The following CDH12 variants were observed in gnomAD, a reference collection of about 807,000 sequenced individuals.
CDH12 encodes cadherin-12.
In CDH12, 41 loss-of-function variants were observed where a neutral mutation model predicts 74.1. The ratio of observed to expected loss-of-function variants is 0.55; its 90% CI spans 0.43 to 0.72. The LOEUF is 0.72. Ranked by LOEUF, CDH12 falls within the 30% of genes least tolerant of loss-of-function variation. The pLI is 0.00. For missense variants in CDH12, 945 were observed against 977.2 expected (o/e 0.97, Z 0.44); for synonymous variants, 399 against 355.0 (o/e 1.12, Z -1.39).
rs147255137 is a variant in CDH12 at position 22,787,138 on chromosome 5, C to CCACA, written c.-523+65916_-523+65919dup. Among the ~76,000 whole-genome samples, 951 of 148,746 alleles carry CCACA rather than the reference C, an allele frequency of 6.4e-3. 7 individuals are homozygous for CCACA. The highest frequency in any genetic ancestry group is 0.019 in the African/African-American group (788 of 40,650). On this transcript the variant is annotated intron_variant, in intron 1 of 14. Transcript: ENST00000382254. Reference sequence around the variant, plus strand: ...TTAGGACCTCTAAAACACACACACACCACACACACACACACACACACCCCA... The same window carrying CCACA: ...TTAGGACCTCTAAAACACACACACACCACACACACACACACACACACACACCCCA...
intron 5 of CDH12, among the ~76,000 whole-genome samples, chr5:21,991,955 T>C (rs1482392616): frequency 6.6e-6 from 1 of 152,070 alleles, no homozygotes; most frequent in Non-Finnish European, 1.5e-5. Context: ...TTATACATAA[T>C]ATTTATTTTC....
chr5:22,666,951 C>A (rs1006380517), intron 1 of CDH12, among the ~76,000 whole-genome samples: 3 of 152,196 alleles, frequency 2.0e-5, no homozygotes, highest in Non-Finnish European at 2.9e-5. Flanking sequence ...CTGACTCTAA[C>A]TCCCTCTGAA....
chr5:22,636,698 T>C (rs967173619), intron 1 of CDH12, among the ~76,000 whole-genome samples: 11 of 152,190 alleles, frequency 7.2e-5, no homozygotes, highest in Non-Finnish European at 1.6e-4. Context: ...AATGGTTACT[T>C]TGGCAGAGGA....
At chr5:22,652,399 G>A (rs1426442881) in intron 1 of CDH12, among the ~76,000 whole-genome samples, 1 of 152,110 alleles carries the variant, frequency 6.6e-6, no homozygotes, top group Non-Finnish European at 1.5e-5. Flanking sequence ...GTCACCAGAA[G>A]CATCAATCAA....
chr5:22,759,464 C>T (rs993928181), intron 1 of CDH12, among the ~76,000 whole-genome samples: 9 of 152,062 alleles, frequency 5.9e-5, no homozygotes, highest in African/African-American at 1.2e-4. Flanking sequence ...TTGAAGACCT[C>T]GAAGCAACTG....
At chr5:21,822,446 G>A (rs1335488324) in intron 8 of CDH12, among the ~76,000 whole-genome samples, 1 of 151,882 alleles carries the variant, frequency 6.6e-6, no homozygotes, top group African/African-American at 2.4e-5. Flanking sequence ...AAATGTTTTG[G>A]TGGTGGAAGA....
chr5:21,823,143 G>C (rs536315939), intron 8 of CDH12, among the ~76,000 whole-genome samples: 1 of 152,118 alleles, frequency 6.6e-6, no homozygotes, highest in East Asian at 1.9e-4. Context: ...TCTAGTGGGA[G>C]AGAAGTCAAT....
intron 1 of CDH12, among the ~76,000 whole-genome samples, chr5:22,820,467 A>G (rs993767858): frequency 1.3e-5 from 2 of 152,094 alleles, no homozygotes; most frequent in African/African-American, 4.8e-5. Context: ...TGAAAAGATC[A>G]ACAAAATCGA....
chr5:22,215,802 C>A (rs980505816), intron 3 of CDH12, among the ~76,000 whole-genome samples: 5 of 152,072 alleles, frequency 3.3e-5, no homozygotes, highest in African/African-American at 4.8e-5. Flanking sequence ...CACATGAATC[C>A]TATCATTTCA....
chr5:21,759,685 T>G (rs1352059390), intron 13 of CDH12, among the ~76,000 whole-genome samples: 1 of 152,126 alleles, frequency 6.6e-6, no homozygotes, highest in African/African-American at 2.4e-5. Context: ...ATTTATTTAT[T>G]TTTTAACGTT....
In CDH12 at chr5:22,283,579, G is replaced by T. The variant is rs1229268406; in HGVS notation, c.-332-70936C>A. Among the ~76,000 whole-genome samples the T allele has an allele frequency of 2.0e-5, 3 of 151,860 alleles. No homozygotes were observed. In the East Asian group the frequency reaches 5.8e-4, roughly 29 times the overall value. ...GAAAAATCAAACTCATAGGAGTAGA[G>T]GGTAGAATTGTGGTTGCTGGGAGCT... On this transcript the variant is annotated intron_variant, in intron 3 of 14. Transcript: ENST00000382254.
intron 1 of CDH12, among the ~76,000 whole-genome samples, chr5:22,585,615 G>A (rs144750080): frequency 2.0e-5 from 3 of 151,940 alleles, no homozygotes; most frequent in Non-Finnish European, 1.5e-5. Flanking sequence ...TTGTCTCTCT[G>A]TGTTCATTTT....
intron 1 of CDH12, among the ~76,000 whole-genome samples, chr5:22,772,916 AAATT>A (rs1019473229): frequency 3.3e-5 from 5 of 152,116 alleles, no homozygotes; most frequent in African/African-American, 1.2e-4. Flanking sequence ...AGCTACAAAA[AAATT>A]AAAATACCTA....
intron 4 of CDH12, among the ~76,000 whole-genome samples, chr5:22,162,890 A>AT (rs1561178332): frequency 1.0e-5 from 1 of 100,174 alleles, no homozygotes; most frequent in Admixed American, 1.5e-4. Context: ...CTTCCCTCTG[A>AT]CTTTTTTTTT....
At chr5:22,170,739 T>C (rs1398395974) in intron 4 of CDH12, among the ~76,000 whole-genome samples, 1 of 151,886 alleles carries the variant, frequency 6.6e-6, no homozygotes, top group African/African-American at 2.4e-5. Context: ...GGCAGCAGAA[T>C]CACGAATTCA....
intron 1 of CDH12, among the ~76,000 whole-genome samples, chr5:22,726,030 C>T (rs933323160): frequency 1.4e-4 from 21 of 151,752 alleles, no homozygotes; most frequent in Admixed American, 1.1e-3. Flanking sequence ...TACGTTGCAA[C>T]TGATGAACCT....
chr5:22,809,858 A>G (rs1158933901), intron 1 of CDH12, among the ~76,000 whole-genome samples: 1 of 152,130 alleles, frequency 6.6e-6, no homozygotes, highest in Non-Finnish European at 1.5e-5. Context: ...AATATCTACT[A>G]GTTCAAATGG....
intron 1 of CDH12, among the ~76,000 whole-genome samples, chr5:22,849,452 A>G (rs1161685491): frequency 6.6e-6 from 1 of 152,102 alleles, no homozygotes. Flanking sequence ...GGTATATTCA[A>G]CCTTACTTGT....
intron 3 of CDH12, among the ~76,000 whole-genome samples, chr5:22,314,301 T>G (rs1738519434): frequency 1.3e-5 from 2 of 152,138 alleles, no homozygotes. Context: ...CACCAGTACC[T>G]CAGAATGTAA....
Sources: gnomAD v4.1 joint callset for allele counts (sites outside exome capture counted in the v4.1 genomes callset) on GRCh38, gnomAD v4.1.1 for gene constraint, MANE v1.5 for transcripts, NCBI Gene and HGNC (gene_info 2026-07-23, HGNC 2026-07-21) for gene names.